TENM2: variants seen among roughly 807,000 people sequenced by gnomAD.
TENM2 encodes the protein teneurin-2.
Under a neutral mutation model 245.2 loss-of-function variants are expected in TENM2, and 52 were observed. The ratio of observed to expected loss-of-function variants is 0.21; its 90% CI spans 0.17 to 0.27. The LOEUF (loss-of-function observed/expected upper bound fraction) is 0.27. Ranked by LOEUF, TENM2 falls within the 10% of genes least tolerant of loss-of-function variation. TENM2 has a pLI of 1.00. For missense variants in TENM2, 3,046 were observed against 3,666.8 expected, an observed-to-expected ratio of 0.83 and a Z score of 4.37; for synonymous variants, 1,363 against 1,438.9, an observed-to-expected ratio of 0.95 and a Z score of 1.19.
At chr5:167,261,815 CT>C in the TENM2 span, among the ~76,000 whole-genome samples, 1 of 152,156 alleles carries the variant, frequency 6.6e-6, no homozygotes. Flanking sequence ...ATGTTACCCT[CT>C]AATTGCTCTC....
the TENM2 span, among the ~76,000 whole-genome samples, chr5:167,148,557 C>T: frequency 6.6e-6 from 1 of 152,074 alleles, no homozygotes; most frequent in Non-Finnish European, 1.5e-5. Flanking sequence ...TTTTTAAATG[C>T]AAACATCTGT....
At chr5:167,262,361 A>T in the TENM2 span, among the ~76,000 whole-genome samples, 1 of 151,052 alleles carries the variant, frequency 6.6e-6, no homozygotes, top group Admixed American at 6.6e-5. Flanking sequence ...CCCATCTCAA[A>T]AAAAAAAAAA....
the TENM2 span, among the ~76,000 whole-genome samples, chr5:167,099,710 C>CA: frequency 5.8e-4 from 89 of 152,158 alleles, no homozygotes; most frequent in African/African-American, 2.1e-3. Context: ...CAAAACAAAA[C>CA]AAAACAAAAA....
intron 19 of TENM2, among the ~76,000 whole-genome samples, chr5:168,208,551 C>A (rs866155398): frequency 6.6e-6 from 1 of 152,236 alleles, no homozygotes; most frequent in Non-Finnish European, 1.5e-5. Context: ...TCAGCCAGGA[C>A]AGACCCTGCT....
At chr5:167,766,823 G>A (rs1272339251) in intron 2 of TENM2, among the ~76,000 whole-genome samples, 2 of 152,066 alleles carry the variant, frequency 1.3e-5, no homozygotes, top group Admixed American at 1.3e-4. Flanking sequence ...AGGTTGCAGT[G>A]AGCCAAGATC....
chr5:167,374,129 C>G (rs548211430), intron 1 of TENM2, among the ~76,000 whole-genome samples: 5 of 152,162 alleles, frequency 3.3e-5, no homozygotes, highest in Non-Finnish European at 7.3e-5. Context: ...ATATACATAC[C>G]TAACATAACC....
At chr5:167,517,118 A>C (rs1193956617) in intron 2 of TENM2, among the ~76,000 whole-genome samples, 2 of 152,212 alleles carry the variant, frequency 1.3e-5, no homozygotes, top group African/African-American at 4.8e-5. Context: ...AAATAACTTT[A>C]AAATGTCACT....
chr5:167,267,928 C>CT, the TENM2 span, among the ~76,000 whole-genome samples: 17,312 of 152,078 alleles, frequency 0.11, 1,165 homozygotes, highest in East Asian at 0.18. Context: ...AACAAAGAGT[C>CT]TTTTTAAATA....
At chr5:167,622,516 T>C (rs961738097) in intron 2 of TENM2, among the ~76,000 whole-genome samples, 2 of 152,014 alleles carry the variant, frequency 1.3e-5, no homozygotes, top group Non-Finnish European at 2.9e-5. Flanking sequence ...AAAGAATACA[T>C]AGAATATTAA....
chr5:167,155,454 G>A, the TENM2 span, among the ~76,000 whole-genome samples: 1 of 152,160 alleles, frequency 6.6e-6, no homozygotes, highest in South Asian at 2.1e-4. Context: ...ATTCAAGAAG[G>A]GGAGGTCACA....
At chr5:167,230,556 C>T in the TENM2 span, among the ~76,000 whole-genome samples, 5 of 152,074 alleles carry the variant, frequency 3.3e-5, no homozygotes, top group East Asian at 1.9e-4. Flanking sequence ...GGAGTTTTAA[C>T]GGCTTTCAAA....
At chr5:167,842,989 A>C (rs1284705973) in intron 2 of TENM2, among the ~76,000 whole-genome samples, 1 of 152,084 alleles carries the variant, frequency 6.6e-6, no homozygotes, top group African/African-American at 2.4e-5. Context: ...CCTACATAGC[A>C]CTTACCTCAA....
intron 2 of TENM2, among the ~76,000 whole-genome samples, chr5:167,738,456 T>G (rs1760953889): frequency 6.6e-6 from 1 of 152,244 alleles, no homozygotes; most frequent in Non-Finnish European, 1.5e-5. Flanking sequence ...TTGTTGGATG[T>G]CTGTCCCCCT....
chr5:167,153,463 A>G, the TENM2 span, among the ~76,000 whole-genome samples: 4 of 151,938 alleles, frequency 2.6e-5, no homozygotes, highest in Non-Finnish European at 5.9e-5. Context: ...TCAGGAGGAG[A>G]AGGAAGATGA....
intron 3 of TENM2, among the ~76,000 whole-genome samples, chr5:167,932,186 A>T (rs1250005472): frequency 6.6e-6 from 1 of 152,142 alleles, no homozygotes; most frequent in South Asian, 2.1e-4. Flanking sequence ...CTGCAATTCC[A>T]TCGTGAAGGT....
chr5:167,329,551 C>CAAAAAAAAAAAAA lies in TENM2; in HGVS notation c.226+44505_226+44517dup, dbSNP rs34165505. On this transcript the variant is annotated intron_variant, in intron 1 of 28. Transcript: ENST00000518659. The stretch of plus-strand genomic sequence containing the variant: ...TGTGTGACAGGGCCAGACTCAGTCT[C>CAAAAAAAAAAAAA]AAAAAAAAAAAAAAAAAAAAAAAAA... Among the ~76,000 whole-genome samples, 2 of 21,936 alleles carry CAAAAAAAAAAAAA rather than the reference C, an allele frequency of 9.1e-5. 1 individual carries two copies. Among genetic ancestry groups the CAAAAAAAAAAAAA allele is most frequent in the Non-Finnish European group, 1.6e-4 (2 of 12,752 alleles). The allele number at this position is 21,936 out of a possible 152,430, so 14.4% of individuals were successfully genotyped here.
At chr5:168,162,574 C>G in intron 12 of TENM2, 37 bp from the exon 15 acceptor site, 1 of 1,605,764 alleles carries the variant, frequency 6.2e-7, no homozygotes, top group Non-Finnish European at 8.5e-7. Flanking sequence ...CGCGGCCTCA[C>G]GTCCCTCCTT....
chr5:167,747,027 G>A (rs1582900877), intron 2 of TENM2, among the ~76,000 whole-genome samples: 1 of 152,172 alleles, frequency 6.6e-6, no homozygotes. Context: ...ATTAAATAAA[G>A]AGATTAGTTA....
intron 2 of TENM2, among the ~76,000 whole-genome samples, chr5:167,703,530 C>CAAAAAAAAAAAAAA (rs747603141): frequency 1.0e-5 from 1 of 97,168 alleles, no homozygotes; most frequent in African/African-American, 3.2e-5. Flanking sequence ...GAAACCATCT[C>CAAAAAAAAAAAAAA]AAAAAAAAAA....
Sources: allele counts gnomAD v4.1 joint callset (sites outside exome capture counted in the v4.1 genomes callset), GRCh38; gene constraint gnomAD v4.1.1; transcripts MANE v1.5; gene names NCBI Gene and HGNC (gene_info 2026-07-23, HGNC 2026-07-21).